The following TSPAN5 variants were observed in gnomAD, a reference collection of about 807,000 sequenced individuals.
The protein encoded by TSPAN5 is tetraspanin-5.
A neutral mutation model predicts 37.1 loss-of-function variants in TSPAN5; 10 were observed. The ratio of observed to expected loss-of-function variants is 0.27; its 90% confidence interval spans 0.17 to 0.46. TSPAN5 has a LOEUF of 0.46. TSPAN5 is among the 20% of genes least tolerant of loss of function. The pLI is 1.00. For synonymous variants in TSPAN5, 110 were observed against 118.9 expected (o/e 0.93, Z 0.48); for missense variants, 195 against 326.6 (o/e 0.60, Z 3.11).
At chr4:98,506,889 G>C (rs757563073) in intron 2 of TSPAN5, among the ~76,000 whole-genome samples, 67 of 152,158 alleles carry the variant, frequency 4.4e-4, no homozygotes, top group Non-Finnish European at 6.3e-4. Context: ...CTGGGAGGAG[G>C]GGGCGGGTGT....
intron 1 of TSPAN5, among the ~76,000 whole-genome samples, chr4:98,636,679 TA>T (rs1756862573): frequency 6.6e-6 from 1 of 152,170 alleles, no homozygotes; most frequent in Admixed American, 6.5e-5. Context: ...GAAAGTCAAG[TA>T]AAACTGCTGG....
In TSPAN5 at chr4:98,527,586, A is replaced by C. The variant is rs1296429189; in HGVS notation, c.82-19858T>G. Among the ~76,000 whole-genome samples, 3 of 152,262 alleles carry C rather than the reference A, an allele frequency of 2.0e-5. No homozygotes were observed. In the East Asian group the frequency reaches 5.8e-4, roughly 29 times the overall value. ...AAAATATGAAAATAGGTGGAAATGC[A>C]GAACTCTGCCTAAAGCAGAAATGCT... On this transcript the variant is annotated intron_variant, in intron 1 of 7. Coordinates refer to ENST00000305798, the MANE Select transcript of TSPAN5 (RefSeq NM_005723.4).
intron 3 of TSPAN5, among the ~76,000 whole-genome samples, chr4:98,486,392 A>G (rs1174085298): frequency 1.3e-5 from 2 of 152,160 alleles, no homozygotes; most frequent in Non-Finnish European, 2.9e-5. Context: ...CTCCCCACTT[A>G]CTATGTGCAT....
intron 1 of TSPAN5, among the ~76,000 whole-genome samples, chr4:98,511,516 A>G (rs1320321636): frequency 6.6e-6 from 1 of 152,204 alleles, no homozygotes; most frequent in Non-Finnish European, 1.5e-5. Flanking sequence ...GGCATAGTAA[A>G]AACACAATAT....
chr4:98,572,363 C>T (rs1024137474), intron 1 of TSPAN5, among the ~76,000 whole-genome samples: 2 of 152,198 alleles, frequency 1.3e-5, no homozygotes, highest in Non-Finnish European at 2.9e-5. Flanking sequence ...GACAGTGACA[C>T]AGTTGTGAAG....
intron 1 of TSPAN5, chr4:98,574,801 T>C (rs1166495191): frequency 6.6e-6 from 1 of 152,328 alleles, no homozygotes; most frequent in Non-Finnish European, 1.5e-5. Context: ...ACATGGTAAA[T>C]GGCAACATTA....
intron 1 of TSPAN5, among the ~76,000 whole-genome samples, chr4:98,611,014 C>A (rs1205946995): frequency 6.6e-6 from 1 of 152,120 alleles, no homozygotes; most frequent in African/African-American, 2.4e-5. Flanking sequence ...TTTGAGGTCA[C>A]CCTCTTAAAG....
intron 1 of TSPAN5, among the ~76,000 whole-genome samples, chr4:98,621,454 GC>G (rs1241559789): frequency 7.0e-6 from 1 of 143,204 alleles, no homozygotes; most frequent in East Asian, 2.1e-4. Context: ...TGCAAGCTCT[GC>G]CCCCCAGGTT....
At chr4:98,542,495 C>T (rs770491734) in intron 1 of TSPAN5, among the ~76,000 whole-genome samples, 60 of 151,676 alleles carry the variant, frequency 4.0e-4, no homozygotes, top group Non-Finnish European at 6.2e-4. Context: ...GTGGCAGGAT[C>T]GCTTAAGGCC....
chr4:98,583,323 G>A (rs1012674873), intron 1 of TSPAN5, among the ~76,000 whole-genome samples: 1 of 151,940 alleles, frequency 6.6e-6, no homozygotes, highest in Non-Finnish European at 1.5e-5. Context: ...GTAAACTTGT[G>A]TCATGGAGGT....
Position 98,472,341 on chromosome 4 carries a change from T to C in TSPAN5, c.*181A>G. The C allele has an allele frequency of 2.1e-6, 1 of 486,032 alleles. No homozygotes were observed. Among genetic ancestry groups the C allele is most frequent in the Admixed American group, 3.9e-5 (1 of 25,568 alleles). 30.1% of individuals were successfully genotyped at this position (486,032 alleles called of 1,614,324 possible). ...CGACTTTCATACTGGTTATTTTTTT[T>C]TTTAATTCTGTCAGTGAGCAGCATT... On this transcript the variant is annotated 3_prime_UTR_variant, in exon 8 of 8. Transcript: ENST00000305798.
chr4:98,648,057 G>A (rs187691589), intron 1 of TSPAN5, among the ~76,000 whole-genome samples: 4 of 152,242 alleles, frequency 2.6e-5, no homozygotes, highest in Non-Finnish European at 4.4e-5. Context: ...GGCATAACCC[G>A]GATATTCCAC....
At chr4:98,491,248 A>C (rs981198704) in intron 2 of TSPAN5, among the ~76,000 whole-genome samples, 3 of 152,146 alleles carry the variant, frequency 2.0e-5, no homozygotes, top group Non-Finnish European at 4.4e-5. Context: ...CATCATCACT[A>C]CCTCAAATCT....
At chr4:98,529,248 CATATCTCCATTTGGT>C (rs1208147437) in intron 1 of TSPAN5, among the ~76,000 whole-genome samples, 2 of 152,256 alleles carry the variant, frequency 1.3e-5, no homozygotes, top group African/African-American at 4.8e-5. Context: ...CCGCCTACTA[CATATCTCCATTTGGT>C]TACTACTCAT....
intron 2 of TSPAN5, among the ~76,000 whole-genome samples, chr4:98,492,603 G>A (rs1209780931): frequency 2.0e-5 from 3 of 152,152 alleles, no homozygotes; most frequent in East Asian, 1.9e-4. Flanking sequence ...GCACGTGGTC[G>A]AAGCTGGGAA....
At chr4:98,635,040 T>A (rs1756825539) in intron 1 of TSPAN5, among the ~76,000 whole-genome samples, 1 of 152,198 alleles carries the variant, frequency 6.6e-6, no homozygotes, top group Admixed American at 6.5e-5. Context: ...GGCTGCCATT[T>A]ATAACAGGCA....
chr4:98,550,399 G>T (rs897891912), intron 1 of TSPAN5, among the ~76,000 whole-genome samples: 4 of 151,982 alleles, frequency 2.6e-5, no homozygotes, highest in African/African-American at 9.7e-5. Flanking sequence ...TTAGGATTGG[G>T]TTTTTTAATT....
chr4:98,621,413 G>C (rs1165462967), intron 1 of TSPAN5, among the ~76,000 whole-genome samples: 1 of 143,538 alleles, frequency 7.0e-6, no homozygotes, highest in Non-Finnish European at 1.5e-5. Context: ...TGTCTCCCAG[G>C]CTGGAATGCA....
rs554587444 is a variant in TSPAN5, at chr4:98,495,450, G to A, written c.133-8566C>T. ...TGAGGCAGGAGAATGGCATGAACCCGGGAGGCGGACCTTGCCCACGCCAGT... is the reference window on the plus strand; with the variant it reads ...TGAGGCAGGAGAATGGCATGAACCCAGGAGGCGGACCTTGCCCACGCCAGT... On this transcript the variant is annotated intron_variant, in intron 2 of 7. Coordinates refer to ENST00000305798, the MANE Select transcript of TSPAN5 (RefSeq NM_005723.4). Among the ~76,000 whole-genome samples, 481 of 150,974 alleles carry A rather than the reference G, an allele frequency of 3.2e-3. 2 individuals are homozygous for A. Among genetic ancestry groups the A allele is most frequent in the African/African-American group, 0.011 (451 of 41,082 alleles).
Sources: allele counts gnomAD v4.1 joint callset (sites outside exome capture counted in the v4.1 genomes callset), GRCh38; gene constraint gnomAD v4.1.1; transcripts MANE v1.5; gene names NCBI Gene and HGNC (gene_info 2026-07-23, HGNC 2026-07-21).